RASEF: variants seen among roughly 807,000 people sequenced by gnomAD.
RASEF encodes ras and EF-hand domain-containing protein.
RASEF carries 68 observed loss-of-function variants against 90.1 expected under a neutral mutation model. The ratio of observed to expected loss-of-function variants is 0.75; its 90% CI spans 0.62 to 0.92. The LOEUF (loss-of-function observed/expected upper bound fraction) is 0.92, where lower values mean the gene tolerates loss of function less well. Among genes scored for constraint, RASEF ranks in the 40% least tolerant of loss-of-function variants. The pLI is 0.00. For missense variants in RASEF, 949 were observed against 937.2 expected (o/e 1.01, Z -0.16); for synonymous variants, 331 against 345.2 (o/e 0.96, Z 0.46).
chr9:83,180,415 T>TGA, the RASEF span, among the ~76,000 whole-genome samples: 1 of 151,974 alleles, frequency 6.6e-6, no homozygotes, highest in Non-Finnish European at 1.5e-5. Context: ...ACAGCAGTTT[T>TGA]ATTCAAGTCA....
chr9:83,058,097 T>G (rs915876845), intron 1 of RASEF, among the ~76,000 whole-genome samples: 2 of 146,374 alleles, frequency 1.4e-5, no homozygotes, highest in African/African-American at 5.0e-5. Context: ...TCACTCCCTC[T>G]CAACATGTCC....
chr9:83,217,675 GGAACTGT>G, the RASEF span, among the ~76,000 whole-genome samples: 1 of 152,138 alleles, frequency 6.6e-6, no homozygotes, highest in Admixed American at 6.5e-5. Flanking sequence ...CCAGCCACGT[GGAACTGT>G]GAGTCCATTA....
At chr9:83,064,485 AAGT>A (rs1830264859), upstream of RASEF, among the ~76,000 whole-genome samples, 1 of 152,228 alleles carries the variant, frequency 6.6e-6, no homozygotes, top group Non-Finnish European at 1.5e-5. Flanking sequence ...ATGAATTTAA[AAGT>A]AGCTGGCTTG....
At chr9:83,169,852 G>T in the RASEF span, among the ~76,000 whole-genome samples, 1 of 151,402 alleles carries the variant, frequency 6.6e-6, no homozygotes, top group East Asian at 1.9e-4. Context: ...CTAGTCCATT[G>T]TCAGATTTCT....
chr9:83,118,745 T>C, the RASEF span, among the ~76,000 whole-genome samples: 1 of 152,238 alleles, frequency 6.6e-6, no homozygotes. Flanking sequence ...AGGATCATTA[T>C]AGAGATTACC....
chr9:83,076,030 T>C, the RASEF span, among the ~76,000 whole-genome samples: 1 of 151,896 alleles, frequency 6.6e-6, no homozygotes. Flanking sequence ...TACCTGGGCG[T>C]GGTGGCACGT....
the RASEF span, among the ~76,000 whole-genome samples, chr9:83,176,931 A>C: frequency 1.3e-5 from 2 of 152,090 alleles, no homozygotes; most frequent in Non-Finnish European, 2.9e-5. Context: ...CATAGTATTT[A>C]TTATAGTAAC....
chr9:83,189,046 A>G, the RASEF span, among the ~76,000 whole-genome samples: 1 of 152,150 alleles, frequency 6.6e-6, no homozygotes, highest in Non-Finnish European at 1.5e-5. Flanking sequence ...TGGTCAAAGC[A>G]TCTTTGTCAC....
chr9:83,040,930 G>A (rs568506002), intron 1 of RASEF, among the ~76,000 whole-genome samples: 38 of 152,118 alleles, frequency 2.5e-4, no homozygotes, highest in African/African-American at 3.6e-4. Flanking sequence ...GCACGATCTC[G>A]GCTCACTGCA....
chr9:83,037,310 T>C (rs1829760455), intron 1 of RASEF, among the ~76,000 whole-genome samples: 1 of 149,556 alleles, frequency 6.7e-6, no homozygotes, highest in Non-Finnish European at 1.5e-5. Flanking sequence ...ATGAGATGCT[T>C]CAAAAAAAAA....
chr9:82,997,933 T>C (rs927867368), intron 13 of RASEF, among the ~76,000 whole-genome samples: 4 of 152,204 alleles, frequency 2.6e-5, no homozygotes, highest in African/African-American at 9.6e-5. Context: ...CGGTAATGAA[T>C]GCAAGGTAAA....
chr9:83,092,547 G>A, the RASEF span, among the ~76,000 whole-genome samples: 1 of 152,166 alleles, frequency 6.6e-6, no homozygotes. Context: ...GCTGGCTTCA[G>A]GAGTGAAGCT....
At chr9:83,058,333 C>A (rs1830139533) in intron 1 of RASEF, among the ~76,000 whole-genome samples, 1 of 150,810 alleles carries the variant, frequency 6.6e-6, no homozygotes, top group African/African-American at 2.5e-5. Flanking sequence ...CAGGTGCCCG[C>A]TACCACGCCC....
At chr9:82,990,542 T>G in intron 15 of RASEF, 75 bp from the exon 16 acceptor site, 2 of 1,092,116 alleles carry the variant, frequency 1.8e-6, no homozygotes, top group Non-Finnish European at 2.8e-6. Context: ...TTAAAATCAG[T>G]AAAATAAAAA....
chr9:83,023,791 C>T (rs1829486091), intron 2 of RASEF, among the ~76,000 whole-genome samples: 1 of 152,208 alleles, frequency 6.6e-6, no homozygotes, highest in African/African-American at 2.4e-5. Flanking sequence ...CTTTCTCCCT[C>T]TGTTATGATA....
At chr9:82,985,320 G>A (rs1241325855) in intron 16 of RASEF, among the ~76,000 whole-genome samples, 1 of 152,172 alleles carries the variant, frequency 6.6e-6, no homozygotes, top group Non-Finnish European at 1.5e-5. Context: ...AGCAAAAGTG[G>A]AAACCGCTGA....
the RASEF span, among the ~76,000 whole-genome samples, chr9:83,169,809 T>A: frequency 4.6e-5 from 7 of 152,090 alleles, no homozygotes; most frequent in Non-Finnish European, 7.4e-5. Flanking sequence ...ATTTTGCTAT[T>A]GAGTTGTTTG....
Position 83,062,412 on chromosome 9 carries a change from TCCCGCC to T in RASEF, c.431+19_431+24del, listed in dbSNP as rs1830223778. On this transcript the variant is annotated intron_variant, in intron 1 of 16. Transcript: ENST00000376447. ...GCAAGCAGGAAGCGCCAGAATAACC[TCCCGCC>T]CCCAGCTCACACTCGCACCTGGGAA... is the stretch of plus-strand genomic sequence containing the variant. 6.2e-7 allele frequency: 1 copy of T among 1,608,792 alleles called. No individual in the cohort carries two copies. The highest frequency in any genetic ancestry group is 8.5e-7 in the Non-Finnish European group (1 of 1,177,604).
chr9:83,003,287 G>GGTA (rs1377938368), intron 9 of RASEF, among the ~76,000 whole-genome samples: 2 of 152,168 alleles, frequency 1.3e-5, no homozygotes, highest in Non-Finnish European at 2.9e-5. Context: ...AGCTCAAGGA[G>GGTA]GTAGGCACAT....
Sources: gnomAD v4.1 joint callset for allele counts (sites outside exome capture counted in the v4.1 genomes callset) on GRCh38, gnomAD v4.1.1 for gene constraint, MANE v1.5 for transcripts, NCBI Gene and HGNC (gene_info 2026-07-23, HGNC 2026-07-21) for gene names.